Variants in SYTL3 observed in about 807,000 individuals in gnomAD.
The protein encoded by SYTL3 is synaptotagmin like 3.
A neutral mutation model predicts 82.1 loss-of-function variants in SYTL3; 88 were observed. That is an observed-to-expected ratio of 1.07 (90% CI 0.90 to 1.28). The LOEUF (loss-of-function observed/expected upper bound fraction) is 1.28, where lower values mean the gene tolerates loss of function less well. Ranked by LOEUF, SYTL3 falls within the 50% of genes most tolerant of loss-of-function variation. The pLI, the probability that SYTL3 is intolerant of heterozygous loss-of-function variation, is 0.00. For missense variants in SYTL3, 831 were observed against 757.6 expected, an observed-to-expected ratio of 1.10 and a Z score of -1.14; for synonymous variants, 311 against 289.4, an observed-to-expected ratio of 1.07 and a Z score of -0.76.
At chr6:158,740,887 C>G (rs1786842310) in intron 11 of SYTL3, among the ~76,000 whole-genome samples, 1 of 152,084 alleles carries the variant, frequency 6.6e-6, no homozygotes, top group Non-Finnish European at 1.5e-5. Context: ...TATTCCTGTA[C>G]CATAAAAATC....
At chr6:158,705,903 C>T (rs1487073448) in intron 6 of SYTL3, among the ~76,000 whole-genome samples, 1 of 152,156 alleles carries the variant, frequency 6.6e-6, no homozygotes, top group Non-Finnish European at 1.5e-5. Flanking sequence ...CCAGGATGGG[C>T]AGGATGAGCA....
intron 6 of SYTL3, among the ~76,000 whole-genome samples, chr6:158,692,785 A>T (rs1371100047): frequency 1.3e-5 from 2 of 151,608 alleles, no homozygotes; most frequent in African/African-American, 4.8e-5. Flanking sequence ...AAAAAAAAAA[A>T]AAAAAAATAC....
rs1562393515 is a variant in SYTL3, at chr6:158,701,260, T to C, written c.395-5970T>C. 7.6e-4 allele frequency among the ~76,000 whole-genome samples: 4 copies of C among 5,276 alleles called. 1 individual carries two copies. The highest frequency in any genetic ancestry group is 2.6e-3 in the Admixed American group (2 of 774). The allele number at this position is 5,276 out of a possible 152,430, so 3.5% of individuals were successfully genotyped here. On this transcript the variant is annotated intron_variant, in intron 6 of 17. Transcript: ENST00000611299. ...GGGGTGTAGATGAAGGAGTGTGAGC[T>C]GGGGTGTAGATGAAGGAGTGTGAGC...
intron 10 of SYTL3, among the ~76,000 whole-genome samples, 154 bp downstream of exon 10, chr6:158,718,365 T>C (rs1783667526): frequency 6.6e-6 from 1 of 152,248 alleles, no homozygotes; most frequent in South Asian, 2.1e-4. Flanking sequence ...AGTGCCTCTA[T>C]TTGGGCAGGG....
intron 4 of SYTL3, among the ~76,000 whole-genome samples, chr6:158,664,138 C>A (rs1217308791): frequency 1.3e-5 from 2 of 152,196 alleles, no homozygotes; most frequent in Non-Finnish European, 2.9e-5. Context: ...GAAAACAAAA[C>A]TTTGGACAAC....
chr6:158,663,771 G>C (rs1192832136), intron 4 of SYTL3: 1 of 222,062 alleles, frequency 4.5e-6, no homozygotes, highest in African/African-American at 2.3e-5. Context: ...ACGGTGCCGG[G>C]AGGTGTAAAG....
chr6:158,740,220 T>G (rs925340037), intron 11 of SYTL3, among the ~76,000 whole-genome samples: 1 of 152,060 alleles, frequency 6.6e-6, no homozygotes, highest in Non-Finnish European at 1.5e-5. Context: ...GGTCTCAAAT[T>G]CCTGACCTCA....
intron 6 of SYTL3, among the ~76,000 whole-genome samples, chr6:158,683,418 A>G (rs1470045632): frequency 1.3e-5 from 2 of 151,874 alleles, no homozygotes; most frequent in Non-Finnish European, 2.9e-5. Flanking sequence ...ACGGGGTTTC[A>G]CCATGTTGGC....
chr6:158,705,985 G>A (rs1305127441), intron 6 of SYTL3, among the ~76,000 whole-genome samples: 1 of 152,166 alleles, frequency 6.6e-6, no homozygotes, highest in Admixed American at 6.5e-5. Flanking sequence ...GGACCTGGAT[G>A]TTTTCTCTCA....
At chr6:158,722,031 A>C (rs1179077050) in intron 10 of SYTL3, among the ~76,000 whole-genome samples, 1 of 152,184 alleles carries the variant, frequency 6.6e-6, no homozygotes, top group Non-Finnish European at 1.5e-5. Flanking sequence ...CAGATTATTA[A>C]TATTTCATCA....
chr6:158,700,251 T>C (rs1014935011), intron 6 of SYTL3, among the ~76,000 whole-genome samples: 5 of 152,084 alleles, frequency 3.3e-5, no homozygotes, highest in African/African-American at 9.7e-5. Context: ...AGCGAAACTC[T>C]GTCTCATAAA....
rs781708740 is a variant in SYTL3 at position 158,764,608 on chromosome 6, G to A, written c.*4G>A. 3 of 1,609,082 alleles carry A rather than the reference G, an allele frequency of 1.9e-6. No homozygotes were observed. Among genetic ancestry groups the A allele is most frequent in the African/African-American group, 2.7e-5 (2 of 74,910 alleles). ...CATGACTCTTGTCCTGCACTGACAT[G>A]AAGGCCTCAAGGTTCCAGGTTGCAG... On this transcript the variant is annotated 3_prime_UTR_variant, in exon 18 of 18. Transcript: ENST00000611299.
At chr6:158,683,470 C>T (rs1320681719) in intron 6 of SYTL3, among the ~76,000 whole-genome samples, 9 of 152,154 alleles carry the variant, frequency 5.9e-5, no homozygotes, top group Non-Finnish European at 1.0e-4. Context: ...CCGCCCGCCT[C>T]GGCCTCCCAA....
intron 6 of SYTL3, among the ~76,000 whole-genome samples, chr6:158,704,308 A>G (rs1035677142): frequency 2.6e-5 from 4 of 152,210 alleles, no homozygotes; most frequent in Non-Finnish European, 4.4e-5. Context: ...GGGCCAGCAC[A>G]GTGCAACGTT....
intron 5 of SYTL3, among the ~76,000 whole-genome samples, chr6:158,667,558 C>A (rs1394837190): frequency 6.6e-6 from 1 of 152,134 alleles, no homozygotes; most frequent in Non-Finnish European, 1.5e-5. Context: ...CTTTGTAAAA[C>A]TTTAGAATCT....
At chr6:158,701,177 T>TGGGAA (rs1781187839) in intron 6 of SYTL3, among the ~76,000 whole-genome samples, 5 of 117,412 alleles carry the variant, frequency 4.3e-5, no homozygotes, top group Non-Finnish European at 7.1e-5. Context: ...ATGAAGGAGG[T>TGGGAA]GAGCTGGGGT....
intron 6 of SYTL3, among the ~76,000 whole-genome samples, chr6:158,696,003 T>C (rs1780517210): frequency 6.6e-6 from 1 of 152,232 alleles, no homozygotes; most frequent in Non-Finnish European, 1.5e-5. Flanking sequence ...TGTACAAATA[T>C]TTATTAGAGT....
chr6:158,665,282 C>A (rs893207558), intron 4 of SYTL3, 113 bp from the exon 5 acceptor site: 1 of 933,940 alleles, frequency 1.1e-6, no homozygotes, highest in Non-Finnish European at 1.6e-6. Flanking sequence ...CCAGGGATGT[C>A]GAATGCCAAA....
chr6:158,701,229 T>TCTAGGGGAGGAGCCGTGGGAA lies in SYTL3; in HGVS notation c.395-6001_395-6000insCTAGGGGAGGAGCCGTGGGAA, dbSNP rs1247491011. 2.2e-3 allele frequency among the ~76,000 whole-genome samples: 89 copies of TCTAGGGGAGGAGCCGTGGGAA among 39,946 alleles called. 7 individuals carry two copies. The highest frequency in any genetic ancestry group is 3.9e-3 in the African/African-American group (16 of 4,154). The allele number at this position is 39,946 out of a possible 152,430, so 26.2% of individuals were successfully genotyped here. On this transcript the variant is annotated intron_variant, in intron 6 of 17. Transcript: ENST00000611299. ...GAGCTGGGGTGTAGATGAAGGAGTG[T>TCTAGGGGAGGAGCCGTGGGAA]GAGCTGGGGTGTAGATGAAGGAGTG...
Sources: allele counts gnomAD v4.1 joint callset (sites outside exome capture counted in the v4.1 genomes callset), GRCh38; gene constraint gnomAD v4.1.1; transcripts MANE v1.5; gene names NCBI Gene and HGNC (gene_info 2026-07-23, HGNC 2026-07-21).